The following DISC1 variants were observed in gnomAD, a reference collection of about 807,000 sequenced individuals.
The protein encoded by DISC1 is DISC1 scaffold protein.
Under a neutral mutation model 84.5 loss-of-function variants are expected in DISC1, and 57 were observed. The observed-to-expected ratio is 0.67, with a 90% confidence interval of 0.55 to 0.84. DISC1 has a LOEUF of 0.84. DISC1 is among the 40% of genes least tolerant of loss of function. The pLI, the probability that DISC1 is intolerant of heterozygous loss-of-function variation, is 0.00. For missense variants in DISC1, 1,000 were observed against 1,057.8 expected (o/e 0.95, Z 0.76); for synonymous variants, 411 against 415.2 (o/e 0.99, Z 0.12).
At chr1:231,917,779 G>A (rs151185266) in intron 9 of DISC1, among the ~76,000 whole-genome samples, 1 of 152,222 alleles carries the variant, frequency 6.6e-6, no homozygotes, top group Non-Finnish European at 1.5e-5. Flanking sequence ...CTCTGGACAT[G>A]GACTATAATC....
At chr1:231,656,649 G>C (rs1464089759) in intron 1 of DISC1, among the ~76,000 whole-genome samples, 1 of 151,910 alleles carries the variant, frequency 6.6e-6, no homozygotes, top group South Asian at 2.1e-4. Flanking sequence ...TAAGTTCATG[G>C]GTACATGTGG....
intron 1 of DISC1, among the ~76,000 whole-genome samples, chr1:231,686,350 C>A (rs565423310): frequency 6.6e-6 from 1 of 152,244 alleles, no homozygotes; most frequent in Non-Finnish European, 1.5e-5. Flanking sequence ...CGTTTCCATA[C>A]GTGTTCTGAA....
intron 10 of DISC1, among the ~76,000 whole-genome samples, chr1:232,007,019 G>C (rs895396585): frequency 6.6e-6 from 1 of 152,216 alleles, no homozygotes; most frequent in Non-Finnish European, 1.5e-5. Context: ...CTTACATGTG[G>C]TGTTGGACCT....
intron 8 of DISC1, among the ~76,000 whole-genome samples, chr1:231,801,176 C>T (rs182815762): frequency 1.3e-5 from 2 of 152,090 alleles, no homozygotes; most frequent in African/African-American, 2.4e-5. Flanking sequence ...TGCAGTCACG[C>T]GTATTATTTA....
rs1668706994 is a variant in DISC1 at position 232,018,861 on chromosome 1, A to G, written c.2308-7574A>G. Reference sequence around the variant, plus strand: ...GTCCCTGTGGCAAGAAAATTATCCCAGATAAGGCTGTTCTTGGCTGCACTG... The same window carrying G: ...GTCCCTGTGGCAAGAAAATTATCCCGGATAAGGCTGTTCTTGGCTGCACTG... On this transcript the variant is annotated intron_variant, in intron 11 of 12. Transcript: ENST00000439617. Among the ~76,000 whole-genome samples, 2 of 152,188 alleles carry G rather than the reference A, an allele frequency of 1.3e-5. 1 individual carries two copies. The highest frequency in any genetic ancestry group is 4.1e-4 in the South Asian group (2 of 4,820).
In DISC1 at chr1:231,818,334, C is replaced by A. The variant is rs143689741; in HGVS notation, c.1798C>A (p.His600Asn). ...EAKMHAISGN[H>N]FWTAKDLTEE... is the part of the protein sequence containing the mutation. Reference sequence around the variant, plus strand: ...TCTCCCACAACGTGCTGTAGGAAACCATTTCTGGACGGCTAAAGACCTCAC... The same window carrying A: ...TCTCCCACAACGTGCTGTAGGAAACAATTTCTGGACGGCTAAAGACCTCAC... Residue 600 changes from histidine (H) to asparagine (N), a missense_variant, in exon 9 of 13, where the codon CAT becomes AAT. Around this residue, in one of 3 missense-constraint regions of DISC1, gnomAD observed 397 missense variants for 377.5 expected, o/e 1.05. Transcript: ENST00000439617. 1.5e-5 allele frequency: 24 copies of A among 1,613,894 alleles called. No homozygotes were observed. In the African/African-American group the frequency reaches 2.7e-4, roughly 18 times the overall value.
chr1:231,789,598 C>A (rs1272740171), intron 6 of DISC1, among the ~76,000 whole-genome samples: 2 of 152,166 alleles, frequency 1.3e-5, no homozygotes, highest in Non-Finnish European at 2.9e-5. Flanking sequence ...AGAGACAGTT[C>A]TTTGGTCAGA....
intron 9 of DISC1, among the ~76,000 whole-genome samples, chr1:231,925,116 C>T (rs1208642999): frequency 6.6e-6 from 1 of 152,070 alleles, no homozygotes; most frequent in Admixed American, 6.6e-5. Context: ...CTGAAGAATT[C>T]ATCTGGAAAC....
At chr1:231,869,812 C>G (rs1210913085) in intron 9 of DISC1, among the ~76,000 whole-genome samples, 1 of 152,132 alleles carries the variant, frequency 6.6e-6, no homozygotes, top group Non-Finnish European at 1.5e-5. Flanking sequence ...ATAGCAGAGT[C>G]TCTTTGTGAT....
intron 10 of DISC1, among the ~76,000 whole-genome samples, chr1:231,988,612 G>A (rs532696638): frequency 1.8e-4 from 27 of 152,248 alleles, no homozygotes; most frequent in African/African-American, 5.5e-4. Flanking sequence ...GCAAGAAATT[G>A]GGAACTTACC....
chr1:231,978,914 C>T (rs574190257), intron 10 of DISC1, among the ~76,000 whole-genome samples: 6 of 152,318 alleles, frequency 3.9e-5, no homozygotes, highest in East Asian at 1.9e-4. Flanking sequence ...TACCAGTCCG[C>T]GGCCTGTTGA....
In DISC1 at chr1:231,727,451, G is replaced by T. The variant is rs561036392; in HGVS notation, c.1118-22475G>T. Among the ~76,000 whole-genome samples, 3 of 152,184 alleles carry T rather than the reference G, an allele frequency of 2.0e-5. No homozygotes were observed. In the East Asian group the frequency reaches 5.8e-4, roughly 30 times the overall value. On this transcript the variant is annotated intron_variant, in intron 3 of 12. Transcript: ENST00000439617. ...ACAGAGAGCGAGTTTAGGACAGGGG[G>T]CAGGGATGGACATTTTACATTTTGA...
intron 8 of DISC1, among the ~76,000 whole-genome samples, chr1:231,812,636 G>A (rs532240961): frequency 2.2e-4 from 34 of 152,220 alleles, no homozygotes; most frequent in African/African-American, 7.2e-4. Context: ...AAGAGCAGGC[G>A]GGCACAGGCA....
At chr1:232,017,564 T>C (rs1321973745) in intron 11 of DISC1, among the ~76,000 whole-genome samples, 1 of 151,814 alleles carries the variant, frequency 6.6e-6, no homozygotes, top group Non-Finnish European at 1.5e-5. Context: ...AAATGTACTT[T>C]TGTGGATAGG....
chr1:231,827,932 A>G (rs2081972457), intron 9 of DISC1, among the ~76,000 whole-genome samples: 1 of 152,208 alleles, frequency 6.6e-6, no homozygotes. Flanking sequence ...AGGTATGCTC[A>G]TATTCCACAA....
chr1:231,784,958 C>A (rs2077718254), intron 6 of DISC1, among the ~76,000 whole-genome samples: 1 of 152,126 alleles, frequency 6.6e-6, no homozygotes, highest in Admixed American at 6.5e-5. Context: ...AATTTATGTA[C>A]CCTGTTGTGC....
rs1670620834 is a variant in DISC1 at position 232,037,910 on chromosome 1, G to A, written c.*1079G>A. On this transcript the variant is annotated 3_prime_UTR_variant, in exon 13 of 13. Transcript: ENST00000439617. ...CTCAGGCAGTGCAATACTCAGTGCGGTACTCAGTAACACAGTGCAGTACTC... is the reference window on the plus strand; with the variant it reads ...CTCAGGCAGTGCAATACTCAGTGCGATACTCAGTAACACAGTGCAGTACTC... 6.6e-6 allele frequency: 1 copy of A among 150,542 alleles called. No homozygotes were observed. 9.3% of individuals were successfully genotyped at this position (150,542 alleles called of 1,614,324 possible).
chr1:232,015,947 T>C (rs1252829893), intron 11 of DISC1, among the ~76,000 whole-genome samples: 1 of 152,130 alleles, frequency 6.6e-6, no homozygotes, highest in Non-Finnish European at 1.5e-5. Flanking sequence ...GCCAACAAGC[T>C]TGGGTAATAG....
In DISC1 at chr1:231,871,231, G is replaced by A. The variant is rs543842770; in HGVS notation, c.1981+52714G>A. ...TAGGCTACAAATGCATATATACTTT[G>A]CAGAGCATTGCCTATTAGTCGCCAT... On this transcript the variant is annotated intron_variant, in intron 9 of 12. Transcript: ENST00000439617. Among the ~76,000 whole-genome samples the A allele has an allele frequency of 7.2e-5, 11 of 152,270 alleles. 2 individuals are homozygous for A. Among genetic ancestry groups the A allele is most frequent in the African/African-American group, 2.6e-4 (11 of 41,530 alleles).
Sources: allele counts gnomAD v4.1 joint callset (sites outside exome capture counted in the v4.1 genomes callset), GRCh38; gene constraint gnomAD v4.1.1; regional missense constraint gnomAD v4.1.1; transcripts MANE v1.5; gene names NCBI Gene and HGNC (gene_info 2026-07-23, HGNC 2026-07-21).